NCOR2: variants seen among roughly 807,000 people sequenced by gnomAD.
The protein encoded by NCOR2 is CTG repeat protein 26.
A neutral mutation model predicts 262.9 loss-of-function variants in NCOR2; 81 were observed. The ratio of observed to expected loss-of-function variants is 0.31; its 90% confidence interval spans 0.26 to 0.37. The LOEUF is 0.37. Ranked by LOEUF, NCOR2 falls within the 10% of genes least tolerant of loss-of-function variation. NCOR2 has a pLI of 1.00. For synonymous variants in NCOR2, 1,659 were observed against 1,559.3 expected (o/e 1.06, Z -1.51); for missense variants, 3,385 against 3,621.4 (o/e 0.93, Z 1.68).
chr12:124,396,651 G>GGGTCCA (rs2041676807), intron 16 of NCOR2, among the ~76,000 whole-genome samples: 1 of 152,108 alleles, frequency 6.6e-6, no homozygotes, highest in African/African-American at 2.4e-5. Context: ...GGGTCTCTCT[G>GGGTCCA]GGTCCAGGTT....
chr12:124,534,383 G>A (rs890088052), intron 1 of NCOR2, among the ~76,000 whole-genome samples: 2 of 150,998 alleles, frequency 1.3e-5, no homozygotes, highest in African/African-American at 2.4e-5. Context: ...CTTGAACCTG[G>A]AGGCAGAGGT....
chr12:124,467,653 T>C (rs532256320), intron 4 of NCOR2, among the ~76,000 whole-genome samples: 2 of 108,482 alleles, frequency 1.8e-5, no homozygotes, highest in Admixed American at 9.5e-5. Flanking sequence ...ATCATCCTTA[T>C]CTTCATCACC....
Position 124,481,548 on chromosome 12 carries a change from C to T in NCOR2, c.411+2048G>A, listed in dbSNP as rs903825600. On this transcript the variant is annotated intron_variant, in intron 3 of 46. Transcript: ENST00000405201. The surrounding 1 kb of genome is among the most constrained non-coding windows in gnomAD (Gnocchi z 4.6). Reference sequence around the variant, plus strand: ...AAAGAGGAATGTGCCTGGGGGAGGGCGCTCCTGCGGAGGGCACAGCCGGTG... The same window carrying T: ...AAAGAGGAATGTGCCTGGGGGAGGGTGCTCCTGCGGAGGGCACAGCCGGTG... 5.9e-5 allele frequency among the ~76,000 whole-genome samples: 9 copies of T among 152,228 alleles called. No individual in the cohort carries two copies. Among genetic ancestry groups the T allele is most frequent in the South Asian group, 2.1e-4 (1 of 4,820 alleles).
intron 4 of NCOR2, among the ~76,000 whole-genome samples, chr12:124,471,177 G>A (rs903127788): frequency 6.6e-6 from 1 of 152,224 alleles, no homozygotes; most frequent in East Asian, 1.9e-4. Flanking sequence ...CAGCCACGAT[G>A]GACACTTGAA....
At chr12:124,431,900 C>A (rs1372250838) in intron 8 of NCOR2, among the ~76,000 whole-genome samples, 2 of 151,896 alleles carry the variant, frequency 1.3e-5, no homozygotes, top group African/African-American at 4.8e-5. Flanking sequence ...TATACACAGG[C>A]ACATAAGTCA....
chr12:124,342,933 G>A, intron 33 of NCOR2, 72 bp downstream of exon 35: 1 of 1,528,286 alleles, frequency 6.5e-7, no homozygotes, highest in Non-Finnish European at 8.9e-7. Flanking sequence ...AGGAGTCCCT[G>A]AGCGAACACT....
chr12:124,327,575 C>G (rs1331154923), exon 45 of NCOR2: 1 of 1,613,506 alleles, frequency 6.2e-7, no homozygotes, highest in African/African-American at 1.3e-5. Flanking sequence ...TTATGGCCTC[C>G]AGCCCCATGT....
chr12:124,377,805 C>T (rs1041208599), intron 18 of NCOR2, among the ~76,000 whole-genome samples: 4 of 151,238 alleles, frequency 2.6e-5, no homozygotes, highest in Admixed American at 1.3e-4. Context: ...CGTCACTGCA[C>T]TCCAGCCTGG....
chr12:124,328,055 G>C (rs544012540), intron 44 of NCOR2, among the ~76,000 whole-genome samples: 1 of 152,198 alleles, frequency 6.6e-6, no homozygotes, highest in Non-Finnish European at 1.5e-5. Context: ...TAATGGAGAG[G>C]GTGGGAGATG....
At chr12:124,493,901 C>G (rs2048232727) in intron 1 of NCOR2, among the ~76,000 whole-genome samples, 1 of 152,190 alleles carries the variant, frequency 6.6e-6, no homozygotes, top group South Asian at 2.1e-4. Flanking sequence ...GTGATTTAAC[C>G]TCTTGGGCCT....
chr12:124,480,792 A>ACCCT (rs1375483254), intron 3 of NCOR2, among the ~76,000 whole-genome samples: 1 of 133,990 alleles, frequency 7.5e-6, no homozygotes, highest in African/African-American at 2.7e-5. Flanking sequence ...GGCTCACAGG[A>ACCCT]CCCTGGACTC....
chr12:124,464,797 C>T (rs1441951603), intron 5 of NCOR2, among the ~76,000 whole-genome samples: 2 of 152,168 alleles, frequency 1.3e-5, no homozygotes, highest in Non-Finnish European at 1.5e-5. Flanking sequence ...AAGTACAACG[C>T]TCCAGGGTCA....
chr12:124,396,690 C>A (rs1425557484), intron 16 of NCOR2, among the ~76,000 whole-genome samples: 5 of 152,124 alleles, frequency 3.3e-5, no homozygotes, highest in Non-Finnish European at 7.4e-5. Context: ...GGAGGGCAGA[C>A]TGCCCCCGGA....
At position 124,545,740 on chromosome 12, in the gene NCOR2, C is replaced by T. The variant is rs1209532025; in HGVS notation, c.-164-10129G>A. On this transcript the variant is annotated intron_variant, in intron 1 of 32. Coordinates refer to the NCOR2 transcript ENST00000458234. ...CCCACATACTCCACAGAGTGAGCCA[C>T]GCTGCTTCCCTGCGCCGCCCCGTGC... is the stretch of plus-strand genomic sequence containing the variant. 2.6e-5 allele frequency among the ~76,000 whole-genome samples: 4 copies of T among 151,956 alleles called. No individual in the cohort carries two copies. In the South Asian group the frequency reaches 6.2e-4, roughly 24 times the overall value.
At chr12:124,430,240 C>T (rs1644675039) in intron 9 of NCOR2, among the ~76,000 whole-genome samples, 1 of 152,172 alleles carries the variant, frequency 6.6e-6, no homozygotes, top group Admixed American at 6.5e-5. Flanking sequence ...TGGGGCCCAC[C>T]CAGTCCTCAC....
chr12:124,492,950 C>T (rs1344155774), intron 1 of NCOR2, among the ~76,000 whole-genome samples: 1 of 152,212 alleles, frequency 6.6e-6, no homozygotes, highest in Non-Finnish European at 1.5e-5. Context: ...GCAGCTCCCC[C>T]AGGGAGGAGC....
chr12:124,435,353 C>T (rs2044273459), intron 8 of NCOR2, among the ~76,000 whole-genome samples: 1 of 152,192 alleles, frequency 6.6e-6, no homozygotes, highest in African/African-American at 2.4e-5. Context: ...GAGCCTCTCG[C>T]ACCAGCCCAA....
intron 17 of NCOR2, among the ~76,000 whole-genome samples, chr12:124,380,550 G>A (rs1361962332): frequency 6.6e-6 from 1 of 152,186 alleles, no homozygotes; most frequent in Non-Finnish European, 1.5e-5. Context: ...TCGAGCCTGT[G>A]GCGGCCTGAG....
chr12:124,348,331 GC>G lies in NCOR2; in HGVS notation c.3845-18del. The stretch of plus-strand genomic sequence containing the variant: ...ACATGCCACCTGGAAACCACACAAA[GC>G]ACTCGGTGAGGAGCTGGGCACGGGC... On this transcript the variant is annotated intron_variant, in intron 28 of 46. Transcript: ENST00000405201. 2.5e-6 allele frequency: 4 copies of G among 1,593,670 alleles called. No homozygotes were observed. The highest frequency in any genetic ancestry group is 3.4e-6 in the Non-Finnish European group (4 of 1,168,728).
Sources: gnomAD v4.1 joint callset for allele counts (sites outside exome capture counted in the v4.1 genomes callset) on GRCh38, gnomAD v4.1.1 for gene constraint, Gnocchi (gnomAD v3.1) non-coding constraint, MANE v1.5 for transcripts, NCBI Gene and HGNC (gene_info 2026-07-23, HGNC 2026-07-21) for gene names.